The following IKBKE variants were observed in gnomAD, a reference collection of about 807,000 sequenced individuals.
IKBKE encodes inhibitor of nuclear factor kappa-B kinase subunit epsilon.
A neutral mutation model predicts 92.1 loss-of-function variants in IKBKE; 45 were observed. The ratio of observed to expected loss-of-function variants is 0.49; its 90% confidence interval spans 0.38 to 0.63. IKBKE has a LOEUF of 0.63. IKBKE is among the 20% of genes least tolerant of loss of function. The probability of loss-of-function intolerance (pLI) is 0.00; values close to 1 mark genes in which losing one functional copy is unlikely to be tolerated. For synonymous variants in IKBKE, 374 were observed against 380.3 expected (o/e 0.98, Z 0.19); for missense variants, 700 against 932.8 (o/e 0.75, Z 3.25).
chr1:206,481,868 C>T (rs944003688), intron 13 of IKBKE, among the ~76,000 whole-genome samples: 1 of 149,486 alleles, frequency 6.7e-6, no homozygotes, highest in Non-Finnish European at 1.5e-5. Flanking sequence ...CAAGCTCCGC[C>T]TCCCGGGTTC....
chr1:206,495,260 T>C (rs944775), intron 21 of IKBKE, among the ~76,000 whole-genome samples: 71,888 of 152,000 alleles, frequency 0.47, 17,171 homozygotes, highest in South Asian at 0.59. Flanking sequence ...TTTTACCAAC[T>C]GCGTGACCCT....
chr1:206,473,794 T>A (rs371825237), intron 3 of IKBKE, among the ~76,000 whole-genome samples: 1 of 151,712 alleles, frequency 6.6e-6, no homozygotes, highest in African/African-American at 2.4e-5. Context: ...AAACCCTGTC[T>A]CTACTAAAAA....
rs1665710600 is a variant in IKBKE at position 206,487,156 on chromosome 1, G to A, written c.1617-758G>A. 1.3e-5 allele frequency among the ~76,000 whole-genome samples: 2 copies of A among 152,360 alleles called. No homozygotes were observed. Among genetic ancestry groups the A allele is most frequent in the South Asian group, 2.1e-4 (1 of 4,830 alleles). On this transcript the variant is annotated intron_variant, in intron 15 of 21. Transcript: ENST00000581977. This position sits in a 1 kb window ranked among gnomAD's most constrained non-coding sequence, Gnocchi z 5.3. ...AGAGTCAAGCTCCAGAAATAGCAGA[G>A]ATGGGGTCACTTGGAGGTGCTGCAG...
At chr1:206,486,117 T>A (rs1423362446) in intron 15 of IKBKE, among the ~76,000 whole-genome samples, 1 of 152,282 alleles carries the variant, frequency 6.6e-6, no homozygotes, top group Non-Finnish European at 1.5e-5. Context: ...TGAGGCTCTT[T>A]ATAGAATTTA....
intron 13 of IKBKE, among the ~76,000 whole-genome samples, chr1:206,484,068 G>A (rs187060166): frequency 2.7e-5 from 4 of 149,982 alleles, no homozygotes; most frequent in African/African-American, 9.8e-5. Flanking sequence ...GGTATTACCG[G>A]TGTGAGCCAC....
At chr1:206,477,179 T>C (rs1459015989) in intron 7 of IKBKE, among the ~76,000 whole-genome samples, 2 of 152,032 alleles carry the variant, frequency 1.3e-5, no homozygotes, top group Non-Finnish European at 2.9e-5. Context: ...CAGCTTCCTG[T>C]TCCCAGGTCC....
chr1:206,472,152 G>A (rs535833681), intron 2 of IKBKE, among the ~76,000 whole-genome samples: 67 of 152,322 alleles, frequency 4.4e-4, no homozygotes, highest in Middle Eastern at 6.8e-3. Flanking sequence ...TCAGGAGGCT[G>A]AGTTGGGAGG....
Position 206,480,495 on chromosome 1 carries a change from A to C in IKBKE, c.1389A>C (p.Thr463=), listed in dbSNP as rs782395731. 6.2e-7 allele frequency: 1 copy of C among 1,613,734 alleles called. No homozygotes were observed. Among genetic ancestry groups the C allele is most frequent in the South Asian group, 1.1e-5 (1 of 91,056 alleles). Residue 463 remains threonine (T), a synonymous_variant, in exon 13 of 22, where the codon ACA becomes ACC. Coordinates refer to ENST00000581977, the MANE Select transcript of IKBKE (RefSeq NM_014002.4). ...GACGGACTCTGGAAGTGGCAAGGAC[A>C]TCCCTCCTCTACCTCAGCAGCAGCC... ...TCRRTLEVAR[T]SLLYLSSSLG...
At position 206,476,570 on chromosome 1, in the gene IKBKE, A is replaced by C; in HGVS notation, c.541-108A>C. 2 of 1,349,980 alleles carry C rather than the reference A, an allele frequency of 1.5e-6. No homozygotes were observed. Among genetic ancestry groups the C allele is most frequent in the Non-Finnish European group, 2.1e-6 (2 of 973,302 alleles). The allele number at this position is 1,349,980 out of a possible 1,614,324, so 83.6% of individuals were successfully genotyped here. On this transcript the variant is annotated intron_variant, in intron 6 of 21. Coordinates refer to ENST00000581977, the MANE Select transcript of IKBKE (RefSeq NM_014002.4). The surrounding 1 kb of genome is among the most constrained non-coding windows in gnomAD (Gnocchi z 5.1). The stretch of plus-strand genomic sequence containing the variant: ...CCCATTTTTAAGATGACAAAGAAGG[A>C]TTTGAACAGTTCTGTTTTCACCTGC...
chr1:206,483,005 G>T (rs921622252), intron 13 of IKBKE, among the ~76,000 whole-genome samples: 2 of 152,254 alleles, frequency 1.3e-5, no homozygotes, highest in African/African-American at 4.8e-5. Context: ...CAGGTCCTTT[G>T]GTAGAGCAAC....
chr1:206,491,575 A>C, intron 17 of IKBKE, 73 bp from the exon 18 acceptor site: 1 of 1,050,770 alleles, frequency 9.5e-7, no homozygotes, highest in Non-Finnish European at 1.5e-6. Flanking sequence ...AGACTGACGG[A>C]GACTGAGGGA....
intron 15 of IKBKE, among the ~76,000 whole-genome samples, chr1:206,486,376 T>G (rs1383179199): frequency 6.6e-6 from 1 of 152,028 alleles, no homozygotes; most frequent in East Asian, 1.9e-4. Context: ...GGATGAAGGC[T>G]GCAGATCTGA....
In IKBKE at chr1:206,474,931, G is replaced by A. The variant is rs917655681; in HGVS notation, c.295G>A (p.Glu99Lys). The change falls in exon 5 of 22, where the codon GAG becomes AAG. Residue 99 changes from glutamate to lysine, a missense_variant. Coordinates refer to ENST00000581977, the MANE Select transcript of IKBKE (RefSeq NM_014002.4). ...CAGTGGGAGCCTGCTGAGTGTGCTG[G>A]AGAGCCCTGAGAATGCCTTTGGGCT... The part of the protein sequence containing the change: ...CSSGSLLSVL[E>K]SPENAFGLPE... 3.7e-5 allele frequency: 60 copies of A among 1,614,006 alleles called. No homozygotes were observed. Among genetic ancestry groups the A allele is most frequent in the Non-Finnish European group, 5.1e-5 (60 of 1,180,030 alleles).
chr1:206,495,123 A>C (rs1489423779), intron 21 of IKBKE, among the ~76,000 whole-genome samples: 1 of 151,984 alleles, frequency 6.6e-6, no homozygotes, highest in Non-Finnish European at 1.5e-5. Context: ...GTTTATATAC[A>C]TGTACACACG....
chr1:206,490,701 T>C lies in IKBKE; in HGVS notation c.1694-118T>C. 1 of 1,021,604 alleles carries C rather than the reference T, an allele frequency of 9.8e-7. No homozygotes were observed. The highest frequency in any genetic ancestry group is 1.5e-6 in the Non-Finnish European group (1 of 651,248). The allele number at this position is 1,021,604 out of a possible 1,614,324, so 63.3% of individuals were successfully genotyped here. On this transcript the variant is annotated intron_variant, in intron 16 of 21. Transcript: ENST00000581977. The surrounding 1 kb of genome is among the most constrained non-coding windows in gnomAD (Gnocchi z 5.2). The stretch of plus-strand genomic sequence containing the variant: ...CCTCCTGCTCCGCTGGGCGGTGAGT[T>C]CCCGTGAAGCAGCACAGGCTGGGCC...
At chr1:206,472,827 C>G (rs1308634683) in intron 2 of IKBKE, 1 of 264,504 alleles carries the variant, frequency 3.8e-6, no homozygotes, top group Non-Finnish European at 7.3e-6. Context: ...CAATCTCAAG[C>G]CTGGATGCCA....
In IKBKE at chr1:206,493,903, G is replaced by A; in HGVS notation, c.2046-17G>A. On this transcript the variant is annotated splice_polypyrimidine_tract_variant and intron_variant, in intron 20 of 21. Transcript: ENST00000581977. ...ACTTCCAGCCTCAGCCGCCTCTCCTGCCTCTGCCTTGGGCAGCATGCAAGA... is the reference window on the plus strand; with the variant it reads ...ACTTCCAGCCTCAGCCGCCTCTCCTACCTCTGCCTTGGGCAGCATGCAAGA... The A allele has an allele frequency of 1.2e-6, 2 of 1,613,132 alleles. No individual in the cohort carries two copies. The highest frequency in any genetic ancestry group is 1.7e-6 in the Non-Finnish European group (2 of 1,179,404).
chr1:206,496,476 G>A lies in IKBKE; in HGVS notation c.*331G>A, dbSNP rs1371109382. 2.9e-5 allele frequency: 11 copies of A among 376,858 alleles called. No individual in the cohort carries two copies. The highest frequency in any genetic ancestry group is 4.4e-5 in the Non-Finnish European group (9 of 204,482). The allele number at this position is 376,858 out of a possible 1,614,324, so 23.3% of individuals were successfully genotyped here. On this transcript the variant is annotated 3_prime_UTR_variant, in exon 22 of 22. Coordinates refer to ENST00000581977, the MANE Select transcript of IKBKE (RefSeq NM_014002.4). The stretch of plus-strand genomic sequence containing the variant: ...CCGTGGGGAGAAGAAGCTCTCATAC[G>A]CCTTCCCACTCCCTCTGGTTTATAG...
In IKBKE at chr1:206,476,512, C is replaced by A; in HGVS notation, c.540+150C>A. On this transcript the variant is annotated intron_variant, in intron 6 of 21. Coordinates refer to ENST00000581977, the MANE Select transcript of IKBKE (RefSeq NM_014002.4). This position sits in a 1 kb window ranked among gnomAD's most constrained non-coding sequence, Gnocchi z 5.1. The stretch of plus-strand genomic sequence containing the variant: ...TGTACCCCAACCAGAAGAATGCATT[C>A]TGTTCTCTAAGATGGAAAAGGTGAG... 1 of 1,122,254 alleles carries A rather than the reference C, an allele frequency of 8.9e-7. No homozygotes were observed. The highest frequency in any genetic ancestry group is 1.3e-6 in the Non-Finnish European group (1 of 776,870). 69.5% of individuals were successfully genotyped at this position (1,122,254 alleles called of 1,614,324 possible). A position where few individuals can be genotyped will look rare whatever the true frequency, so the allele number is the denominator to read the frequency against.
Sources: gnomAD v4.1 joint callset for allele counts (sites outside exome capture counted in the v4.1 genomes callset) on GRCh38, gnomAD v4.1.1 for gene constraint, Gnocchi (gnomAD v3.1) non-coding constraint, MANE v1.5 for transcripts, NCBI Gene and HGNC (gene_info 2026-07-23, HGNC 2026-07-21) for gene names.